GRIA2: variants seen among roughly 807,000 people sequenced by gnomAD.
GRIA2 encodes the protein glutamate receptor 2.
A neutral mutation model predicts 97.3 loss-of-function variants in GRIA2; 14 were observed. The ratio of observed to expected loss-of-function variants is 0.14; its 90% CI spans 0.10 to 0.23. The LOEUF (loss-of-function observed/expected upper bound fraction) is 0.23. Among genes scored for constraint, GRIA2 ranks in the 10% least tolerant of loss-of-function variants. The probability of loss-of-function intolerance (pLI) is 1.00; values close to 1 mark genes in which losing one functional copy is unlikely to be tolerated. For synonymous variants in GRIA2, 412 were observed against 387.8 expected (o/e 1.06, Z -0.73); for missense variants, 558 against 1,069.8 (o/e 0.52, Z 6.67).
At chr4:157,220,646 GTGTGTA>G (rs1426128868), upstream of GRIA2, 219 of 53,580 alleles carry the variant, frequency 4.1e-3, 2 homozygotes, top group African/African-American at 0.021. Flanking sequence ...GTGTGTGCGT[GTGTGTA>G]TGTGTGTGTG....
chr4:157,355,645 T>C (rs1211397150), intron 12 of GRIA2, among the ~76,000 whole-genome samples: 9 of 134,688 alleles, frequency 6.7e-5, no homozygotes, highest in Non-Finnish European at 1.1e-4. Context: ...TATATATTTA[T>C]TTATATATTT....
chr4:157,321,359 GT>G (rs1734556753), intron 5 of GRIA2, 78 bp from the exon 6 acceptor site: 1 of 974,822 alleles, frequency 1.0e-6, no homozygotes, highest in African/African-American at 1.6e-5. Flanking sequence ...AAACCACAAT[GT>G]ATAGAGTTAT....
At chr4:157,340,577 A>ATT (rs535778717) in intron 11 of GRIA2, among the ~76,000 whole-genome samples, 1 of 150,686 alleles carries the variant, frequency 6.6e-6, no homozygotes, top group Non-Finnish European at 1.5e-5. Context: ...TTTGAGTTTT[A>ATT]TTTTTTTTTG....
chr4:157,333,954 C>T, intron 8 of GRIA2, 56 bp from the exon 9 acceptor site: 2 of 815,588 alleles, frequency 2.5e-6, no homozygotes, highest in South Asian at 2.8e-5. Flanking sequence ...TAATTAAATG[C>T]TTTGCTAATA....
intron 2 of GRIA2, among the ~76,000 whole-genome samples, chr4:157,231,902 C>T (rs1336145162): frequency 1.3e-5 from 2 of 151,954 alleles, no homozygotes; most frequent in Non-Finnish European, 2.9e-5. Flanking sequence ...CACAATTCTA[C>T]ATGTGTTTAA....
chr4:157,305,603 C>T (rs1015754876), intron 3 of GRIA2, among the ~76,000 whole-genome samples: 3 of 151,954 alleles, frequency 2.0e-5, no homozygotes, highest in African/African-American at 7.3e-5. Flanking sequence ...TCCATTTGAC[C>T]TTCTTTCACT....
At position 157,312,741 on chromosome 4, in the gene GRIA2, A is replaced by G. The variant is rs1734136080; in HGVS notation, c.532A>G (p.Ile178Val). The G allele has an allele frequency of 6.2e-7, 1 of 1,610,162 alleles. No homozygotes were observed. Among genetic ancestry groups the G allele is most frequent in the Non-Finnish European group, 8.5e-7 (1 of 1,176,750 alleles). Residue 178 changes from isoleucine to valine, a missense_variant, in exon 4 of 16, where the codon ATC (isoleucine) becomes GTC (valine). Ile to Val is a conservative substitution (Grantham distance 29, BLOSUM62 3). Transcript: ENST00000264426. ...AAEKKWQVTAINVGNINNDKK... is the reference protein window; with the variant it reads ...AAEKKWQVTAVNVGNINNDKK... Reference sequence around the variant, plus strand: ...TGAAAAGAAATGGCAAGTGACTGCTATCAATGTGGGAAACATTAACAATGA... The same window carrying G: ...TGAAAAGAAATGGCAAGTGACTGCTGTCAATGTGGGAAACATTAACAATGA...
At chr4:157,303,240 C>T (rs910181547) in intron 2 of GRIA2, among the ~76,000 whole-genome samples, 1 of 152,060 alleles carries the variant, frequency 6.6e-6, no homozygotes, top group Non-Finnish European at 1.5e-5. Context: ...GTTCTTATAG[C>T]TAATTTTTTT....
At chr4:157,239,541 A>C (rs2126712682) in intron 2 of GRIA2, among the ~76,000 whole-genome samples, 1 of 152,078 alleles carries the variant, frequency 6.6e-6, no homozygotes, top group South Asian at 2.1e-4. Context: ...TTTCATTATA[A>C]TTTCTAATAA....
At chr4:157,321,707 T>C (rs1169936097) in intron 6 of GRIA2, 108 bp downstream of exon 6, 2 of 698,568 alleles carry the variant, frequency 2.9e-6, no homozygotes, top group African/African-American at 3.6e-5. Flanking sequence ...GAGAGCACGT[T>C]TCAAAATATG....
intron 2 of GRIA2, among the ~76,000 whole-genome samples, chr4:157,277,169 T>C (rs1732359110): frequency 1.3e-5 from 2 of 151,798 alleles, no homozygotes; most frequent in Non-Finnish European, 1.5e-5. Context: ...AACCCAATAA[T>C]GTATAAAAAT....
chr4:157,317,696 C>T lies in GRIA2; in HGVS notation c.705C>T (p.Tyr235=), dbSNP rs571914898. 10 of 1,230,816 alleles carry T rather than the reference C, an allele frequency of 8.1e-6. No individual in the cohort carries two copies. The East Asian group carries it at 1.9e-4, about 23-fold the overall frequency. 76.2% of individuals were successfully genotyped at this position (1,230,816 alleles called of 1,614,324 possible). A position where few individuals can be genotyped will look rare whatever the true frequency, so the allele number is the denominator to read the frequency against. ...TIGKHVKGYH[Y]IIANLGFTDG... is the part of the protein sequence containing the mutation. ...GAAAACATGTTAAAGGGTACCACTA[C>T]ATCATTGCAAATCTGGTAGGTGAAT... is the stretch of plus-strand genomic sequence containing the variant. Residue 235 remains tyrosine, a synonymous_variant, in exon 5 of 16, where the codon TAC becomes TAT. Coordinates refer to ENST00000264426, the MANE Select transcript of GRIA2 (RefSeq NM_001083619.3).
chr4:157,322,108 T>G (rs1734596278), intron 6 of GRIA2, among the ~76,000 whole-genome samples: 1 of 151,988 alleles, frequency 6.6e-6, no homozygotes, highest in Admixed American at 6.6e-5. Flanking sequence ...GCAAATAAAT[T>G]AAAGAACAAT....
chr4:157,251,437 G>A (rs1731018777), intron 2 of GRIA2, among the ~76,000 whole-genome samples: 1 of 152,016 alleles, frequency 6.6e-6, no homozygotes, highest in Admixed American at 6.6e-5. Flanking sequence ...ATGTCGTTCA[G>A]CCCATTCATT....
At chr4:157,262,907 G>A (rs1405209426) in intron 2 of GRIA2, among the ~76,000 whole-genome samples, 1 of 151,964 alleles carries the variant, frequency 6.6e-6, no homozygotes, top group Non-Finnish European at 1.5e-5. Context: ...GTTGTATACG[G>A]TAGGACAAGA....
At chr4:157,221,562 T>C (rs1729493538) in intron 1 of GRIA2, 105 bp from the exon 2 acceptor site, 1 of 1,164,898 alleles carries the variant, frequency 8.6e-7, no homozygotes, top group Non-Finnish European at 1.2e-6. Flanking sequence ...TTCGGCCTAT[T>C]CGCGTGAATA....
At chr4:157,268,971 A>C (rs985921368) in intron 2 of GRIA2, among the ~76,000 whole-genome samples, 4 of 152,136 alleles carry the variant, frequency 2.6e-5, no homozygotes, top group Non-Finnish European at 4.4e-5. Context: ...TGTGAAACCC[A>C]CCTACCATGT....
chr4:157,268,064 C>T (rs1020794535), intron 2 of GRIA2, among the ~76,000 whole-genome samples: 4 of 151,792 alleles, frequency 2.6e-5, no homozygotes, highest in African/African-American at 7.3e-5. Flanking sequence ...TTTAAATAGT[C>T]GATTTTAAAT....
chr4:157,284,150 A>AT (rs1376383751), intron 2 of GRIA2, among the ~76,000 whole-genome samples: 3 of 151,896 alleles, frequency 2.0e-5, no homozygotes, highest in African/African-American at 7.2e-5. Context: ...GCAATTTATA[A>AT]TTCTTCTGAA....
Sources: allele counts gnomAD v4.1 joint callset (sites outside exome capture counted in the v4.1 genomes callset), GRCh38; gene constraint gnomAD v4.1.1; transcripts MANE v1.5; gene names NCBI Gene and HGNC (gene_info 2026-07-23, HGNC 2026-07-21).